Variants in ATP2B1 observed in about 807,000 individuals in gnomAD.
The protein encoded by ATP2B1 is plasma membrane calcium-transporting ATPase 1.
ATP2B1 carries 14 observed loss-of-function variants against 124.2 expected under a neutral mutation model. The ratio of observed to expected loss-of-function variants is 0.11; its 90% CI spans 0.07 to 0.18. The LOEUF (loss-of-function observed/expected upper bound fraction) is 0.18. Ranked by LOEUF, ATP2B1 falls within the 10% of genes least tolerant of loss-of-function variation. The pLI is 1.00. For synonymous variants in ATP2B1, 449 were observed against 492.4 expected (o/e 0.91, Z 1.17); for missense variants, 763 against 1,466.1 (o/e 0.52, Z 7.83).
At chr12:89,633,523 T>C (rs1882227803) in intron 5 of ATP2B1, among the ~76,000 whole-genome samples, 1 of 151,908 alleles carries the variant, frequency 6.6e-6, no homozygotes, top group South Asian at 2.1e-4. Flanking sequence ...ATATTAGAAT[T>C]GGAACTTTTA....
chr12:89,614,876 G>T (rs1326359501), intron 12 of ATP2B1, among the ~76,000 whole-genome samples: 1 of 152,124 alleles, frequency 6.6e-6, no homozygotes, highest in Non-Finnish European at 1.5e-5. Context: ...GCCAAGCCAT[G>T]ATCATCTCTT....
intron 12 of ATP2B1, among the ~76,000 whole-genome samples, chr12:89,615,328 T>C (rs1878774818): frequency 6.6e-6 from 1 of 152,142 alleles, no homozygotes; most frequent in African/African-American, 2.4e-5. Context: ...AATTGTCTTA[T>C]TTAATATCAT....
chr12:89,657,365 A>C (rs1161728141), intron 1 of ATP2B1, among the ~76,000 whole-genome samples: 1 of 152,204 alleles, frequency 6.6e-6, no homozygotes, highest in Non-Finnish European at 1.5e-5. Context: ...TGCTACATTT[A>C]GTTTTTGAAA....
chr12:89,709,290 C>T (rs1437867828), upstream of ATP2B1: 2 of 152,362 alleles, frequency 1.3e-5, no homozygotes, highest in Non-Finnish European at 2.9e-5. Context: ...CGCAGCTGCT[C>T]CCGCTGCCAC....
At chr12:89,619,942 A>G (rs1410308496) in intron 11 of ATP2B1, 57 bp downstream of exon 11, 5 of 1,590,372 alleles carry the variant, frequency 3.1e-6, no homozygotes, top group Non-Finnish European at 4.3e-6. Flanking sequence ...AACACAGTAG[A>G]TACTCCATAA....
At chr12:89,610,589 A>G in intron 13 of ATP2B1, 81 bp from the exon 14 acceptor site, 1 of 1,137,124 alleles carries the variant, frequency 8.8e-7, no homozygotes. Flanking sequence ...ATTTATCAGT[A>G]GCTCTCAAAG....
At chr12:89,708,974 G>A (rs1378271475), upstream of ATP2B1, 2 of 151,378 alleles carry the variant, frequency 1.3e-5, no homozygotes, top group Non-Finnish European at 2.9e-5. Context: ...CACACAGGGC[G>A]CGCCGCGCTC....
At chr12:89,684,113 A>G (rs1889683344) in intron 1 of ATP2B1, among the ~76,000 whole-genome samples, 1 of 152,204 alleles carries the variant, frequency 6.6e-6, no homozygotes, top group Admixed American at 6.5e-5. Flanking sequence ...GTAAGAAAGA[A>G]GAAATAAGAA....
At chr12:89,705,855 ATGCT>A (rs1892388784) in intron 1 of ATP2B1, among the ~76,000 whole-genome samples, 1 of 152,204 alleles carries the variant, frequency 6.6e-6, no homozygotes, top group Admixed American at 6.5e-5. Context: ...TCAATAGCCA[ATGCT>A]TTACATTGTC....
At chr12:89,653,017 C>T (rs903393145) in intron 2 of ATP2B1, among the ~76,000 whole-genome samples, 1 of 152,188 alleles carries the variant, frequency 6.6e-6, no homozygotes, top group South Asian at 2.1e-4. Context: ...GTGCGAGCCA[C>T]TGCACTGCTG....
In ATP2B1 at chr12:89,589,004, T is replaced by G. The variant is rs1873090148; in HGVS notation, c.*1980A>C. 1 of 152,588 alleles carries G rather than the reference T, an allele frequency of 6.6e-6. No homozygotes were observed. The highest frequency in any genetic ancestry group is 2.1e-4 in the South Asian group (1 of 4,828). 9.5% of individuals were successfully genotyped at this position (152,588 alleles called of 1,614,324 possible). A position where few individuals can be genotyped will look rare whatever the true frequency, so the allele number is the denominator to read the frequency against. ...AAAACCAAGACTAGAAACCAGGTCT[T>G]GACTCCTAGTCTAATATGCTTTCCA... is the stretch of plus-strand genomic sequence containing the variant. On this transcript the variant is annotated 3_prime_UTR_variant, in exon 21 of 21. Transcript: ENST00000428670.
chr12:89,705,961 A>G (rs1418456096), intron 1 of ATP2B1, among the ~76,000 whole-genome samples: 4 of 152,208 alleles, frequency 2.6e-5, no homozygotes, highest in African/African-American at 9.6e-5. Context: ...ATATGTAATA[A>G]TATCCACATC....
intron 10 of ATP2B1, 37 bp downstream of exon 10, chr12:89,621,512 A>AAAAATT: frequency 7.1e-7 from 1 of 1,408,932 alleles, no homozygotes. Context: ...TTATAGATTT[A>AAAAATT]AAAATTAATT....
At chr12:89,620,765 A>T (rs1017966226) in intron 10 of ATP2B1, among the ~76,000 whole-genome samples, 5 of 152,152 alleles carry the variant, frequency 3.3e-5, no homozygotes, top group African/African-American at 1.2e-4. Flanking sequence ...TAATTATCAC[A>T]ATGGTATTAA....
At position 89,603,438 on chromosome 12, in the gene ATP2B1, CA is replaced by C. The variant is rs1488752650; in HGVS notation, c.2849-185del. 4 of 650,204 alleles carry C rather than the reference CA, an allele frequency of 6.2e-6. No individual in the cohort carries two copies. Among genetic ancestry groups the C allele is most frequent in the Non-Finnish European group, 1.0e-5 (4 of 388,204 alleles). 40.3% of individuals were successfully genotyped at this position (650,204 alleles called of 1,614,324 possible). A position where few individuals can be genotyped will look rare whatever the true frequency, so the allele number is the denominator to read the frequency against. On this transcript the variant is annotated intron_variant, in intron 17 of 20. Coordinates refer to ENST00000428670, the MANE Select transcript of ATP2B1 (RefSeq NM_001366521.1). The surrounding 1 kb of genome is among the most constrained non-coding windows in gnomAD (Gnocchi z 4.3). ...TTATAGGCAAGGAAACAGAAGCTCC[CA>C]AAACTATGGTGATAATCTCAGGATC... is the stretch of plus-strand genomic sequence containing the variant.
intron 1 of ATP2B1, among the ~76,000 whole-genome samples, chr12:89,685,179 TG>T (rs1432880540): frequency 1.4e-5 from 2 of 140,446 alleles, no homozygotes; most frequent in African/African-American, 5.3e-5. Flanking sequence ...CTAAATGAGG[TG>T]ATAAGTAGTC....
chr12:89,624,116 A>G, intron 9 of ATP2B1, 67 bp downstream of exon 9: 1 of 1,379,910 alleles, frequency 7.2e-7, no homozygotes, highest in Non-Finnish European at 1.0e-6. Context: ...GAGTAACTAG[A>G]TGGGCATTTT....
At chr12:89,706,106 C>T (rs1285521328) in intron 1 of ATP2B1, among the ~76,000 whole-genome samples, 2 of 152,172 alleles carry the variant, frequency 1.3e-5, no homozygotes, top group African/African-American at 4.8e-5. Context: ...ACTGTCACTA[C>T]AGTAACTCTT....
chr12:89,649,980 C>T (rs149329528), intron 2 of ATP2B1, among the ~76,000 whole-genome samples: 43 of 152,302 alleles, frequency 2.8e-4, no homozygotes, highest in African/African-American at 8.4e-4. Context: ...TTACCTTCTG[C>T]CATGAGTAAA....
Sources: gnomAD v4.1 joint callset for allele counts (sites outside exome capture counted in the v4.1 genomes callset) on GRCh38, gnomAD v4.1.1 for gene constraint, Gnocchi (gnomAD v3.1) non-coding constraint, MANE v1.5 for transcripts, NCBI Gene and HGNC (gene_info 2026-07-23, HGNC 2026-07-21) for gene names.